The following ABCD3 variants were observed in gnomAD, a reference collection of about 807,000 sequenced individuals.
ABCD3 encodes ATP binding cassette subfamily D member 3.
A neutral mutation model predicts 105.5 loss-of-function variants in ABCD3; 41 were observed. The observed-to-expected ratio is 0.39, with a 90% CI of 0.30 to 0.50. ABCD3 has a LOEUF of 0.50. ABCD3 is among the 20% of genes least tolerant of loss of function. ABCD3 has a pLI of 0.84. For missense variants in ABCD3, 622 were observed against 806.3 expected (o/e 0.77, Z 2.77); for synonymous variants, 258 against 269.0 (o/e 0.96, Z 0.40).
At chr1:94,457,987 A>T (rs1419570421) in intron 1 of ABCD3, among the ~76,000 whole-genome samples, 1 of 152,220 alleles carries the variant, frequency 6.6e-6, no homozygotes, top group Non-Finnish European at 1.5e-5. Context: ...GTAGAAGCAT[A>T]GGGTGCCATG....
chr1:94,392,171 ATTC>A, the ABCD3 span, among the ~76,000 whole-genome samples: 1 of 152,214 alleles, frequency 6.6e-6, no homozygotes, highest in Admixed American at 6.5e-5. Context: ...ATATGATAGA[ATTC>A]TTCTTCTCTT....
chr1:94,451,745 C>G (rs1252534695), intron 1 of ABCD3, among the ~76,000 whole-genome samples: 1 of 152,102 alleles, frequency 6.6e-6, no homozygotes, highest in Non-Finnish European at 1.5e-5. Context: ...GCTTGTTTTA[C>G]TGTTATTCTT....
At chr1:94,476,623 AC>A (rs1452680460) in intron 7 of ABCD3, among the ~76,000 whole-genome samples, 2 of 152,204 alleles carry the variant, frequency 1.3e-5, no homozygotes, top group African/African-American at 4.8e-5. Context: ...GGACTGGGTC[AC>A]ATTGTAAGAA....
intron 1 of ABCD3, among the ~76,000 whole-genome samples, chr1:94,442,666 T>C (rs1221244835): frequency 6.6e-6 from 1 of 152,170 alleles, no homozygotes; most frequent in Admixed American, 6.5e-5. Flanking sequence ...TATTCCACTC[T>C]GTATGTCTAT....
In ABCD3 at chr1:94,431,770, C is replaced by T. The variant is rs150892084; in HGVS notation, c.110+13182C>T. 8.8e-4 allele frequency among the ~76,000 whole-genome samples: 134 copies of T among 152,054 alleles called. 1 individual carries two copies. The highest frequency in any genetic ancestry group is 2.6e-3 in the Admixed American group (39 of 15,266). On this transcript the variant is annotated intron_variant, in intron 1 of 22. Transcript: ENST00000370214. ...GAGATAGGGTCCCAAAGTGTTAGGA[C>T]GATATAGGCGTGAACCACCATGCCT... is the stretch of plus-strand genomic sequence containing the variant.
the ABCD3 span, among the ~76,000 whole-genome samples, chr1:94,404,645 A>G: frequency 6.6e-6 from 1 of 151,834 alleles, no homozygotes; most frequent in South Asian, 2.1e-4. Flanking sequence ...CTTCCATTCT[A>G]TTTCTGCATC....
chr1:94,385,753 C>T, the ABCD3 span, among the ~76,000 whole-genome samples: 3 of 152,190 alleles, frequency 2.0e-5, no homozygotes, highest in East Asian at 3.9e-4. Context: ...TGAGAACTGT[C>T]ACCCTAACCC....
intron 1 of ABCD3, among the ~76,000 whole-genome samples, chr1:94,436,119 A>G (rs1659891761): frequency 6.6e-6 from 1 of 152,208 alleles, no homozygotes. Flanking sequence ...GTATTTCAAG[A>G]TCACAATTGG....
At chr1:94,435,676 A>G (rs907315467) in intron 1 of ABCD3, among the ~76,000 whole-genome samples, 5 of 152,252 alleles carry the variant, frequency 3.3e-5, no homozygotes, top group African/African-American at 1.2e-4. Context: ...ATAAGGTGGA[A>G]TGCTTCCACA....
chr1:94,421,354 A>G (rs886473495), intron 1 of ABCD3, among the ~76,000 whole-genome samples: 4 of 152,172 alleles, frequency 2.6e-5, no homozygotes, highest in Admixed American at 6.5e-5. Context: ...CCCACCAGAA[A>G]GTTCCTTTGT....
chr1:94,457,545 T>C (rs1256994948), intron 1 of ABCD3, among the ~76,000 whole-genome samples: 2 of 151,972 alleles, frequency 1.3e-5, no homozygotes, highest in Admixed American at 1.3e-4. Flanking sequence ...AAATGTGAAA[T>C]CCTGACAGCC....
chr1:94,509,094 C>T (rs528010896), intron 21 of ABCD3, among the ~76,000 whole-genome samples: 157 of 152,210 alleles, frequency 1.0e-3, no homozygotes, highest in African/African-American at 3.7e-3. Flanking sequence ...CCAGTTTTTG[C>T]CCATTCAGTA....
intron 20 of ABCD3, among the ~76,000 whole-genome samples, chr1:94,506,183 C>A (rs150561733): frequency 6.6e-5 from 10 of 152,220 alleles, no homozygotes; most frequent in African/African-American, 1.9e-4. Flanking sequence ...GCGTCGGAGT[C>A]ATCTAGTCTG....
At chr1:94,485,415 A>G (rs1164370994) in intron 10 of ABCD3, among the ~76,000 whole-genome samples, 3 of 152,202 alleles carry the variant, frequency 2.0e-5, no homozygotes, top group African/African-American at 4.8e-5. Flanking sequence ...AGAAATTGTC[A>G]TTTTAAATTA....
At chr1:94,435,723 G>A (rs1659877781) in intron 1 of ABCD3, among the ~76,000 whole-genome samples, 1 of 152,190 alleles carries the variant, frequency 6.6e-6, no homozygotes, top group South Asian at 2.1e-4. Flanking sequence ...CTGGTTAGTA[G>A]TTGTACCTAG....
chr1:94,459,261 G>T (rs1204000315), intron 2 of ABCD3, among the ~76,000 whole-genome samples: 1 of 151,932 alleles, frequency 6.6e-6, no homozygotes, highest in Non-Finnish European at 1.5e-5. Flanking sequence ...TATCTTACGA[G>T]TCTTTCTTTT....
At chr1:94,465,993 T>A (rs1160889892) in intron 3 of ABCD3, among the ~76,000 whole-genome samples, 1 of 151,934 alleles carries the variant, frequency 6.6e-6, no homozygotes, top group African/African-American at 2.4e-5. Flanking sequence ...CATTCCTTCA[T>A]CATGCTGGAT....
At chr1:94,512,400 GAAATATATTT>G (rs1650720029) in intron 21 of ABCD3, among the ~76,000 whole-genome samples, 1 of 150,958 alleles carries the variant, frequency 6.6e-6, no homozygotes, top group African/African-American at 2.4e-5. Flanking sequence ...TTATATATGG[GAAATATATTT>G]AAATATGTTG....
chr1:94,446,714 A>G (rs927445691), intron 1 of ABCD3, among the ~76,000 whole-genome samples: 20 of 152,194 alleles, frequency 1.3e-4, no homozygotes, highest in Non-Finnish European at 2.8e-4. Flanking sequence ...GGACATTTCA[A>G]TCATTTCTCT....
Sources: gnomAD v4.1 joint callset for allele counts (sites outside exome capture counted in the v4.1 genomes callset) on GRCh38, gnomAD v4.1.1 for gene constraint, MANE v1.5 for transcripts, NCBI Gene and HGNC (gene_info 2026-07-23, HGNC 2026-07-21) for gene names.